SOX5: variants seen among roughly 807,000 people sequenced by gnomAD.
SOX5 encodes transcription factor SOX-5.
In SOX5, 9 loss-of-function variants were observed where a neutral mutation model predicts 92.0. That is an observed-to-expected ratio of 0.10 (90% CI 0.06 to 0.17). The LOEUF is 0.17. Among genes scored for constraint, SOX5 ranks in the 10% least tolerant of loss-of-function variants. The probability of loss-of-function intolerance (pLI) is 1.00; values close to 1 mark genes in which losing one functional copy is unlikely to be tolerated. For synonymous variants in SOX5, 344 were observed against 336.3 expected (o/e 1.02, Z -0.25); for missense variants, 642 against 944.5 (o/e 0.68, Z 4.20).
chr12:24,472,599 A>T lies in SOX5; in HGVS notation c.-251+89730T>A, dbSNP rs141926570. Among the ~76,000 whole-genome samples the T allele has an allele frequency of 1.4e-4, 21 of 152,306 alleles. 1 individual carries two copies. The highest frequency in any genetic ancestry group is 5.1e-4 in the African/African-American group (21 of 41,572). On this transcript the variant is annotated intron_variant, in intron 1 of 4. Transcript: ENST00000446891. ...CCCCCAAATGGTTAACATAAGTTGAATTGTACTTGGGTCCATAGACTCTAT... is the reference window on the plus strand; with the variant it reads ...CCCCCAAATGGTTAACATAAGTTGATTTGTACTTGGGTCCATAGACTCTAT...
intron 9 of SOX5, among the ~76,000 whole-genome samples, chr12:23,598,940 T>C (rs962296872): frequency 1.6e-4 from 25 of 152,208 alleles, no homozygotes; most frequent in Non-Finnish European, 3.1e-4. Flanking sequence ...TCCTCTGATT[T>C]CTCGTACTGC....
chr12:23,723,244 A>G (rs879402737), intron 6 of SOX5, among the ~76,000 whole-genome samples: 5 of 152,006 alleles, frequency 3.3e-5, no homozygotes, highest in Admixed American at 6.6e-5. Flanking sequence ...GCCCCACAGA[A>G]AATCAAATAA....
chr12:24,054,049 A>T (rs572027202), intron 4 of SOX5, among the ~76,000 whole-genome samples: 2 of 152,340 alleles, frequency 1.3e-5, no homozygotes, highest in Non-Finnish European at 2.9e-5. Flanking sequence ...ATTGTGCGTC[A>T]AGAAAAATCG....
intron 13 of SOX5, 114 bp downstream of exon 13, chr12:23,543,097 A>T: frequency 1.3e-6 from 1 of 751,566 alleles, no homozygotes. Flanking sequence ...TATTTTCTGG[A>T]TAAGCAAATA....
chr12:23,708,620 T>A (rs940682713), intron 6 of SOX5, among the ~76,000 whole-genome samples: 1 of 152,140 alleles, frequency 6.6e-6, no homozygotes, highest in African/African-American at 2.4e-5. Context: ...GCTACTGGCA[T>A]CAGAACAGTT....
At chr12:24,468,707 T>C (rs1444066524) in intron 1 of SOX5, among the ~76,000 whole-genome samples, 1 of 152,266 alleles carries the variant, frequency 6.6e-6, no homozygotes, top group East Asian at 1.9e-4. Flanking sequence ...CTGTGGTCTC[T>C]GATTTGTAGC....
chr12:24,516,971 A>C (rs1330312506), intron 1 of SOX5, among the ~76,000 whole-genome samples: 1 of 152,244 alleles, frequency 6.6e-6, no homozygotes, highest in African/African-American at 2.4e-5. Flanking sequence ...TAGTCTAAAA[A>C]TCTTAATACT....
chr12:23,742,598 GTAAAT>G (rs2141021404), intron 4 of SOX5, among the ~76,000 whole-genome samples: 1 of 152,238 alleles, frequency 6.6e-6, no homozygotes, highest in African/African-American at 2.4e-5. Flanking sequence ...TAATAGAGAA[GTAAAT>G]TTCTACCACA....
chr12:23,723,579 T>C (rs146999569), intron 6 of SOX5, among the ~76,000 whole-genome samples: 15,742 of 147,454 alleles, frequency 0.11, 929 homozygotes, highest in African/African-American at 0.14. Flanking sequence ...TATATATATA[T>C]ATACACACAC....
intron 1 of SOX5, among the ~76,000 whole-genome samples, chr12:24,561,330 AACCAGCGTCTTCAGATATTC>A (rs1307040327): frequency 6.6e-6 from 1 of 152,202 alleles, no homozygotes; most frequent in Non-Finnish European, 1.5e-5. Context: ...TAGTCACAGA[AACCAGCGTCTTCAGATATTC>A]ACCAGGGTCA....
At chr12:24,357,017 T>C (rs571305416) in intron 2 of SOX5, among the ~76,000 whole-genome samples, 210 of 152,330 alleles carry the variant, frequency 1.4e-3, no homozygotes, top group Middle Eastern at 3.4e-3. Context: ...CCATGAATAA[T>C]AGATGCTTCT....
intron 1 of SOX5, among the ~76,000 whole-genome samples, chr12:24,497,962 C>T (rs547506280): frequency 1.3e-5 from 2 of 152,266 alleles, no homozygotes; most frequent in African/African-American, 2.4e-5. Context: ...AAAACCAACA[C>T]TGCACGTTCC....
At chr12:24,537,685 A>G (rs1355782687) in intron 1 of SOX5, among the ~76,000 whole-genome samples, 2 of 152,202 alleles carry the variant, frequency 1.3e-5, no homozygotes, top group Non-Finnish European at 2.9e-5. Flanking sequence ...TTATGTTTCC[A>G]TGTTCTAAGA....
intron 3 of SOX5, among the ~76,000 whole-genome samples, chr12:24,220,632 T>C (rs1186702349): frequency 6.6e-6 from 1 of 152,176 alleles, no homozygotes; most frequent in African/African-American, 2.4e-5. Context: ...AGTCCCCTCA[T>C]ACCCAGTCTT....
At chr12:23,734,154 T>G (rs1039062339) in intron 6 of SOX5, among the ~76,000 whole-genome samples, 1 of 152,172 alleles carries the variant, frequency 6.6e-6, no homozygotes, top group South Asian at 2.1e-4. Context: ...TATTGCAAAT[T>G]TCCAAATAAC....
chr12:24,121,345 T>A (rs527637750), intron 4 of SOX5, among the ~76,000 whole-genome samples: 5 of 152,182 alleles, frequency 3.3e-5, no homozygotes, highest in Non-Finnish European at 7.3e-5. Flanking sequence ...TGCTAATTTG[T>A]TATCACATGT....
chr12:24,047,352 A>G (rs147056006), intron 4 of SOX5, among the ~76,000 whole-genome samples: 1 of 152,240 alleles, frequency 6.6e-6, no homozygotes, highest in African/African-American at 2.4e-5. Context: ...ACTTTAAATG[A>G]AGCAAAAAGG....
chr12:23,668,770 A>G (rs902927975), intron 6 of SOX5, among the ~76,000 whole-genome samples: 2 of 152,124 alleles, frequency 1.3e-5, no homozygotes, highest in Non-Finnish European at 2.9e-5. Flanking sequence ...ATAAGAGGCT[A>G]CTTCCTATAT....
chr12:23,752,545 T>C (rs1167788476), intron 4 of SOX5, among the ~76,000 whole-genome samples: 1 of 151,810 alleles, frequency 6.6e-6, no homozygotes, highest in Non-Finnish European at 1.5e-5. Flanking sequence ...GAGGTACCAA[T>C]GCAATGAATG....
Sources: gnomAD v4.1 joint callset for allele counts (sites outside exome capture counted in the v4.1 genomes callset) on GRCh38, gnomAD v4.1.1 for gene constraint, MANE v1.5 for transcripts, NCBI Gene and HGNC (gene_info 2026-07-23, HGNC 2026-07-21) for gene names.